The following DCAF8 variants were observed in gnomAD, a reference collection of about 807,000 sequenced individuals.
The protein encoded by DCAF8 is DDB1- and CUL4-associated factor 8.
In DCAF8, 20 loss-of-function variants were observed where a neutral mutation model predicts 68.0. The observed-to-expected ratio is 0.29, with a 90% CI of 0.21 to 0.43. DCAF8 has a LOEUF of 0.43. Among genes scored for constraint, DCAF8 ranks in the 20% least tolerant of loss-of-function variants. The pLI is 1.00. For synonymous variants in DCAF8, 230 were observed against 276.9 expected (o/e 0.83, Z 1.68); for missense variants, 460 against 771.0 (o/e 0.60, Z 4.78).
intron 6 of DCAF8, among the ~76,000 whole-genome samples, chr1:160,233,066 G>A (rs374148952): frequency 9.5e-5 from 14 of 147,402 alleles, no homozygotes; most frequent in Admixed American, 6.0e-4. Flanking sequence ...TTTAGTTTTT[G>A]TTTTTAAGTC....
intron 1 of DCAF8, chr1:160,262,135 G>C: frequency 2.6e-6 from 1 of 391,612 alleles, no homozygotes; most frequent in Non-Finnish European, 4.5e-6. Flanking sequence ...AGGGCAACCA[G>C]TACTCCCAGC....
intron 10 of DCAF8, among the ~76,000 whole-genome samples, chr1:160,223,874 T>C (rs1166136324): frequency 1.3e-5 from 2 of 152,158 alleles, no homozygotes; most frequent in Admixed American, 6.5e-5. Context: ...TGAGCCATAA[T>C]TGCACCATTG....
At chr1:160,254,599 T>C (rs1656752696) in intron 2 of DCAF8, among the ~76,000 whole-genome samples, 1 of 151,934 alleles carries the variant, frequency 6.6e-6, no homozygotes, top group African/African-American at 2.4e-5. Context: ...CAAGACCATC[T>C]TGGCCAACAT....
intron 6 of DCAF8, among the ~76,000 whole-genome samples, chr1:160,236,406 A>G (rs530020656): frequency 1.3e-5 from 2 of 151,358 alleles, no homozygotes; most frequent in African/African-American, 4.9e-5. Context: ...ACATGTGTAT[A>G]TGTGTGTGTA....
At chr1:160,260,926 C>G (rs572704235) in intron 2 of DCAF8, among the ~76,000 whole-genome samples, 2 of 152,134 alleles carry the variant, frequency 1.3e-5, no homozygotes, top group African/African-American at 4.8e-5. Context: ...ACAGGATGAA[C>G]AGAACTCAGG....
chr1:160,231,584 A>G (rs533803703), intron 6 of DCAF8, among the ~76,000 whole-genome samples, 177 bp from the exon 7 acceptor site: 61 of 152,382 alleles, frequency 4.0e-4, no homozygotes, highest in African/African-American at 1.5e-3. Context: ...AAAAAAGCAC[A>G]TACATTTATT....
intron 2 of DCAF8, among the ~76,000 whole-genome samples, chr1:160,256,981 T>C (rs951162837): frequency 1.1e-4 from 17 of 152,218 alleles, no homozygotes; most frequent in African/African-American, 3.1e-4. Flanking sequence ...TCAAAGACTT[T>C]CTACTCACTC....
At position 160,216,849 on chromosome 1, in the gene DCAF8, A is replaced by G. The variant is rs1655134658; in HGVS notation, c.*743T>C. ...CAATGTTTCTTAAAAAAATAACAGA[A>G]GAGGTAATATCCTTCCTATTCTTCC... On this transcript the variant is annotated 3_prime_UTR_variant, in exon 14 of 14. Transcript: ENST00000368074. 1 of 152,624 alleles carries G rather than the reference A, an allele frequency of 6.6e-6. No individual in the cohort carries two copies. Among genetic ancestry groups the G allele is most frequent in the Admixed American group, 6.5e-5 (1 of 15,274 alleles). 9.5% of individuals were successfully genotyped at this position (152,624 alleles called of 1,614,324 possible). A position where few individuals can be genotyped will look rare whatever the true frequency, so the allele number is the denominator to read the frequency against.
intron 3 of DCAF8, among the ~76,000 whole-genome samples, chr1:160,242,699 C>A (rs1229034316): frequency 6.6e-6 from 1 of 152,136 alleles, no homozygotes; most frequent in Non-Finnish European, 1.5e-5. Context: ...CCATACGGAG[C>A]TCCACCACAA....
intron 4 of DCAF8, chr1:160,239,278 A>G: frequency 9.2e-7 from 1 of 1,085,436 alleles, no homozygotes; most frequent in East Asian, 3.9e-5. Context: ...CTTAGCTTCT[A>G]TTGTTACTTA....
Position 160,244,612 on chromosome 1 carries a change from ATTATTC to A in DCAF8, c.-26-584_-26-579del, listed in dbSNP as rs1480200340. 6.6e-5 allele frequency among the ~76,000 whole-genome samples: 10 copies of A among 151,058 alleles called. No homozygotes were observed. The East Asian group carries it at 9.7e-4, about 15-fold the overall frequency. ...GATGACTAACTTCAAACCTATTATT[ATTATTC>A]TTTCTTTTTTTTTTTTTGAGACAGA... On this transcript the variant is annotated intron_variant, in intron 2 of 13. Transcript: ENST00000368074.
rs1475881831 is a variant in DCAF8, at chr1:160,234,244, A to AAT, written c.960-2838_960-2837insAT. On this transcript the variant is annotated intron_variant, in intron 6 of 13. Transcript: ENST00000368074. Reference sequence around the variant, plus strand: ...AGCAAAAGAGTGAGACTGCACCTCAAAAAAAAAAAAAAATGCCTCTGACAT... The same window carrying AAT: ...AGCAAAAGAGTGAGACTGCACCTCAAATAAAAAAAAAAAAATGCCTCTGACAT... Among the ~76,000 whole-genome samples, 4 of 144,334 alleles carry AAT rather than the reference A, an allele frequency of 2.8e-5. No homozygotes were observed. The East Asian group carries it at 8.2e-4, about 30-fold the overall frequency. 94.7% of individuals were successfully genotyped at this position (144,334 alleles called of 152,430 possible).
In DCAF8 at chr1:160,215,724, GAGA is replaced by G. The variant is rs560026743; in HGVS notation, c.*1865_*1867del. ...ACATACCACACAGAGCAGCAGTCGG[GAGA>G]AGAAAAGCTTTACTGGGAGAAAATA... On this transcript the variant is annotated 3_prime_UTR_variant, in exon 14 of 14. Transcript: ENST00000368074. The G allele has an allele frequency of 3.9e-5, 6 of 152,232 alleles. No homozygotes were observed. The highest frequency in any genetic ancestry group is 2.0e-4 in the Admixed American group (3 of 15,284). The allele number at this position is 152,232 out of a possible 1,614,324, so 9.4% of individuals were successfully genotyped here. A position where few individuals can be genotyped will look rare whatever the true frequency, so the allele number is the denominator to read the frequency against.
chr1:160,235,665 G>T (rs993705637), intron 6 of DCAF8, among the ~76,000 whole-genome samples: 2 of 151,408 alleles, frequency 1.3e-5, no homozygotes, highest in South Asian at 2.1e-4. Context: ...GGAGAAAGGA[G>T]AAAGTGTATA....
intron 4 of DCAF8, chr1:160,239,028 G>T: frequency 2.1e-6 from 1 of 475,316 alleles, no homozygotes; most frequent in Non-Finnish European, 3.1e-6. Context: ...ACTGTATCTA[G>T]CAGAGGAGAA....
intron 7 of DCAF8, among the ~76,000 whole-genome samples, chr1:160,230,780 C>G (rs927487600): frequency 6.6e-6 from 1 of 151,436 alleles, no homozygotes; most frequent in South Asian, 2.1e-4. Flanking sequence ...GAGACAGAGT[C>G]TCGCTCTGTC....
intron 6 of DCAF8, among the ~76,000 whole-genome samples, chr1:160,236,074 C>G (rs539120520): frequency 9.6e-4 from 141 of 147,456 alleles, no homozygotes; most frequent in Middle Eastern, 3.5e-3. Flanking sequence ...AATGGTGGGG[C>G]GGGGGTGACT....
intron 4 of DCAF8, chr1:160,239,179 G>A: frequency 1.9e-6 from 2 of 1,069,282 alleles, no homozygotes; most frequent in Non-Finnish European, 1.1e-6. Context: ...ACAGTAGATG[G>A]GGCCAAGGAG....
chr1:160,217,762 C>T, intron 13 of DCAF8, 54 bp from the exon 14 acceptor site: 2 of 1,431,340 alleles, frequency 1.4e-6, no homozygotes, highest in Non-Finnish European at 2.0e-6. Context: ...AAGGACAAGC[C>T]TGTTAGGTCT....
Sources: gnomAD v4.1 joint callset for allele counts (sites outside exome capture counted in the v4.1 genomes callset) on GRCh38, gnomAD v4.1.1 for gene constraint, MANE v1.5 for transcripts, NCBI Gene and HGNC (gene_info 2026-07-23, HGNC 2026-07-21) for gene names.